Variants in TXNDC16 observed in about 807,000 individuals in gnomAD.
The protein encoded by TXNDC16 is thioredoxin domain-containing protein 16.
Under a neutral mutation model 85.6 loss-of-function variants are expected in TXNDC16, and 74 were observed. That is an observed-to-expected ratio of 0.86 (90% CI 0.72 to 1.05). The LOEUF (loss-of-function observed/expected upper bound fraction) is 1.05. Among genes scored for constraint, TXNDC16 ranks in the 50% least tolerant of loss-of-function variants. The probability of loss-of-function intolerance (pLI) is 0.00; values close to 1 mark genes in which losing one functional copy is unlikely to be tolerated. For missense variants in TXNDC16, 959 were observed against 947.0 expected (o/e 1.01, Z -0.17); for synonymous variants, 335 against 326.5 (o/e 1.03, Z -0.28).
intron 20 of TXNDC16, among the ~76,000 whole-genome samples, chr14:52,437,616 G>A (rs370011235): frequency 6.6e-6 from 1 of 152,008 alleles, no homozygotes; most frequent in Non-Finnish European, 1.5e-5. Flanking sequence ...AATCAACAAT[G>A]TAAAAAGATA....
intron 14 of TXNDC16, among the ~76,000 whole-genome samples, chr14:52,481,391 G>A (rs1431016444): frequency 6.6e-6 from 1 of 152,120 alleles, no homozygotes; most frequent in Non-Finnish European, 1.5e-5. Context: ...TTAGGGTTGA[G>A]TGTCTAGAAT....
At chr14:52,518,242 A>G (rs528846968) in intron 7 of TXNDC16, among the ~76,000 whole-genome samples, 1 of 152,130 alleles carries the variant, frequency 6.6e-6, no homozygotes, top group Non-Finnish European at 1.5e-5. Context: ...TCACAACTTT[A>G]TTTCTCAAAT....
chr14:52,501,596 A>G (rs1255616403), intron 9 of TXNDC16, among the ~76,000 whole-genome samples: 1 of 152,200 alleles, frequency 6.6e-6, no homozygotes, highest in Non-Finnish European at 1.5e-5. Context: ...ATGAGAGAAT[A>G]AGAATAAAGC....
intron 6 of TXNDC16, among the ~76,000 whole-genome samples, chr14:52,535,100 G>A (rs1177730547): frequency 2.0e-5 from 3 of 152,150 alleles, no homozygotes; most frequent in Non-Finnish European, 2.9e-5. Flanking sequence ...TTTATGAAAA[G>A]ACTTCTTTTT....
intron 6 of TXNDC16, among the ~76,000 whole-genome samples, chr14:52,524,175 C>A (rs1483974653): frequency 6.6e-6 from 1 of 152,208 alleles, no homozygotes; most frequent in Non-Finnish European, 1.5e-5. Flanking sequence ...AGGAGGACAG[C>A]TGTAAAAGTA....
At chr14:52,440,828 T>A in intron 18 of TXNDC16, 104 bp from the exon 19 acceptor site, 1 of 1,054,622 alleles carries the variant, frequency 9.5e-7, no homozygotes, top group Non-Finnish European at 1.3e-6. Context: ...TTGTAAAATG[T>A]AATTCAAACA....
At chr14:52,533,392 T>G (rs1409197117) in intron 6 of TXNDC16, among the ~76,000 whole-genome samples, 1 of 152,156 alleles carries the variant, frequency 6.6e-6, no homozygotes, top group African/African-American at 2.4e-5. Flanking sequence ...ATCCCCCCTT[T>G]GCTGTATCTA....
At chr14:52,508,926 G>A (rs2036885486) in intron 9 of TXNDC16, among the ~76,000 whole-genome samples, 1 of 152,062 alleles carries the variant, frequency 6.6e-6, no homozygotes, top group African/African-American at 2.4e-5. Context: ...CAGCGGGGAG[G>A]GATAGCATTA....
At chr14:52,504,025 A>C (rs1397064019) in intron 9 of TXNDC16, among the ~76,000 whole-genome samples, 1 of 152,214 alleles carries the variant, frequency 6.6e-6, no homozygotes, top group East Asian at 1.9e-4. Context: ...AGTTTAGAGA[A>C]AAAAGAATAA....
At chr14:52,497,448 G>A (rs564964117) in intron 9 of TXNDC16, among the ~76,000 whole-genome samples, 1 of 152,294 alleles carries the variant, frequency 6.6e-6, no homozygotes, top group African/African-American at 2.4e-5. Flanking sequence ...ATTCAAAGAG[G>A]TGAGAATATT....
intron 3 of TXNDC16, 100 bp downstream of exon 3, chr14:52,543,298 C>T (rs534123585): frequency 5.3e-5 from 68 of 1,280,938 alleles, no homozygotes; most frequent in Admixed American, 7.2e-5. Flanking sequence ...AGCTATATAG[C>T]ACATATTATT....
Position 52,541,532 on chromosome 14 carries a change from A to T in TXNDC16, c.243+839T>A, listed in dbSNP as rs1019691610. On this transcript the variant is annotated intron_variant, in intron 4 of 20. Transcript: ENST00000281741. ...CTATACGTACAGAATTGACACATTTAAAAAATAGATATTTTTTAAAGGTAT... is the reference window on the plus strand; with the variant it reads ...CTATACGTACAGAATTGACACATTTTAAAAATAGATATTTTTTAAAGGTAT... 2.6e-5 allele frequency among the ~76,000 whole-genome samples: 4 copies of T among 152,326 alleles called. No homozygotes were observed. In the South Asian group the frequency reaches 8.3e-4, roughly 32 times the overall value.
At chr14:52,445,129 T>C (rs2035248874) in intron 18 of TXNDC16, among the ~76,000 whole-genome samples, 1 of 152,172 alleles carries the variant, frequency 6.6e-6, no homozygotes, top group African/African-American at 2.4e-5. Context: ...TATAATTTTC[T>C]TCTTTATCCT....
rs2036370701 is a variant in TXNDC16, at chr14:52,490,332, C to T, written c.984+59G>A. On this transcript the variant is annotated intron_variant, in intron 11 of 20. Transcript: ENST00000281741. ...TATAATAAAAATATATTAAAGACCA[C>T]ATATATTAGCTTTCTTTAAATAAAC... The T allele has an allele frequency of 4.2e-6, 5 of 1,190,974 alleles. No homozygotes were observed. In the African/African-American group the frequency reaches 6.4e-5, roughly 15 times the overall value. The allele number at this position is 1,190,974 out of a possible 1,614,324, so 73.8% of individuals were successfully genotyped here.
At chr14:52,462,204 A>G (rs1448750972) in intron 16 of TXNDC16, among the ~76,000 whole-genome samples, 1 of 152,136 alleles carries the variant, frequency 6.6e-6, no homozygotes, top group Non-Finnish European at 1.5e-5. Flanking sequence ...TTAAACCTAT[A>G]GTCAGCAAGT....
rs150322428 is a variant in TXNDC16, at chr14:52,435,493, A to G, written c.2195-2906T>C. Among the ~76,000 whole-genome samples, 299 of 152,340 alleles carry G rather than the reference A, an allele frequency of 2.0e-3. 1 individual carries two copies. The highest frequency in any genetic ancestry group is 7.0e-3 in the African/African-American group (292 of 41,580). On this transcript the variant is annotated intron_variant, in intron 20 of 20. Coordinates refer to ENST00000281741, the MANE Select transcript of TXNDC16 (RefSeq NM_020784.3). Reference sequence around the variant, plus strand: ...TGTGGTGAGAATGAAGTAGTCAAAGATGACTGATAACTACAGAAAGGTCTC... The same window carrying G: ...TGTGGTGAGAATGAAGTAGTCAAAGGTGACTGATAACTACAGAAAGGTCTC...
chr14:52,438,775 G>T (rs2035094279), intron 20 of TXNDC16, among the ~76,000 whole-genome samples: 1 of 151,996 alleles, frequency 6.6e-6, no homozygotes, highest in Non-Finnish European at 1.5e-5. Context: ...CCACATATTT[G>T]CTTACAGTTA....
chr14:52,453,634 T>C (rs1272855516), intron 18 of TXNDC16, among the ~76,000 whole-genome samples: 1 of 152,078 alleles, frequency 6.6e-6, no homozygotes, highest in East Asian at 1.9e-4. Flanking sequence ...CTTAAAACAA[T>C]TGAACTCATG....
rs1474237256 is a variant in TXNDC16, at chr14:52,431,567, T to C, written c.*737A>G. ...AAACCTAGTCTGCCACAGGTTACTT[T>C]TAACACAAGGTTACTCAGCCTTGGC... On this transcript the variant is annotated 3_prime_UTR_variant, in exon 21 of 21. Coordinates refer to ENST00000281741, the MANE Select transcript of TXNDC16 (RefSeq NM_020784.3). 1 of 152,208 alleles carries C rather than the reference T, an allele frequency of 6.6e-6. No homozygotes were observed. Among genetic ancestry groups the C allele is most frequent in the Non-Finnish European group, 1.5e-5 (1 of 68,048 alleles). The allele number at this position is 152,208 out of a possible 1,614,324, so 9.4% of individuals were successfully genotyped here.
Sources: gnomAD v4.1 joint callset for allele counts (sites outside exome capture counted in the v4.1 genomes callset) on GRCh38, gnomAD v4.1.1 for gene constraint, MANE v1.5 for transcripts, NCBI Gene and HGNC (gene_info 2026-07-23, HGNC 2026-07-21) for gene names.